GPC6: variants seen among roughly 807,000 people sequenced by gnomAD.
The protein encoded by GPC6 is glypican-6.
GPC6 carries 14 observed loss-of-function variants against 55.2 expected under a neutral mutation model. The ratio of observed to expected loss-of-function variants is 0.25; its 90% confidence interval spans 0.17 to 0.40. The LOEUF (loss-of-function observed/expected upper bound fraction) is 0.40. Ranked by LOEUF, GPC6 falls within the 10% of genes least tolerant of loss-of-function variation. The pLI is 1.00. For missense variants in GPC6, 641 were observed against 708.5 expected, an observed-to-expected ratio of 0.90 and a Z score of 1.08; for synonymous variants, 278 against 259.6, an observed-to-expected ratio of 1.07 and a Z score of -0.68.
intron 1 of GPC6, among the ~76,000 whole-genome samples, chr13:93,315,776 T>G (rs777085735): frequency 2.3e-4 from 35 of 151,738 alleles, no homozygotes; most frequent in Non-Finnish European, 4.6e-4. Context: ...TTTAACCATG[T>G]ATGTAGTCAG....
chr13:93,329,245 C>A (rs747876456), intron 1 of GPC6, among the ~76,000 whole-genome samples: 2 of 152,122 alleles, frequency 1.3e-5, no homozygotes, highest in Non-Finnish European at 2.9e-5. Flanking sequence ...ATAAAATTTT[C>A]TTTCTTTCCC....
In GPC6 at chr13:93,267,734, C is replaced by T. The variant is rs144619882; in HGVS notation, c.160+40118C>T. Among the ~76,000 whole-genome samples the T allele has an allele frequency of 1.4e-3, 219 of 152,280 alleles. 2 individuals are homozygous for T. In the East Asian group the frequency reaches 0.019, roughly 13 times the overall value. ...CCAAATATTGTTGAAGTATTATCTA[C>T]TGCTTTCCATCCAAAGCCAATATGA... is the stretch of plus-strand genomic sequence containing the variant. On this transcript the variant is annotated intron_variant, in intron 1 of 8. Transcript: ENST00000377047.
At chr13:94,338,115 TA>T (rs1201182182) in intron 6 of GPC6, among the ~76,000 whole-genome samples, 2 of 152,246 alleles carry the variant, frequency 1.3e-5, no homozygotes. Context: ...ACAATCGTTT[TA>T]AAAAATAGAA....
intron 1 of GPC6, among the ~76,000 whole-genome samples, chr13:93,271,498 C>T (rs1224194572): frequency 6.6e-6 from 1 of 151,666 alleles, no homozygotes; most frequent in Non-Finnish European, 1.5e-5. Context: ...AAAATGCAGG[C>T]GTGACATGTA....
chr13:93,690,930 A>T (rs1266928377), intron 2 of GPC6, among the ~76,000 whole-genome samples: 2 of 152,044 alleles, frequency 1.3e-5, no homozygotes, highest in Non-Finnish European at 2.9e-5. Flanking sequence ...TTTGTCATTT[A>T]GTTGTTCCCT....
intron 7 of GPC6, 69 bp from the exon 8 acceptor site, chr13:94,398,397 A>G (rs1880985944): frequency 8.6e-7 from 1 of 1,169,158 alleles, no homozygotes; most frequent in Non-Finnish European, 1.3e-6. Context: ...CTGGTTTTGC[A>G]TGGCAGCATC....
chr13:93,921,831 T>A (rs1877591185), intron 3 of GPC6, among the ~76,000 whole-genome samples: 1 of 151,946 alleles, frequency 6.6e-6, no homozygotes, highest in East Asian at 2.0e-4. Context: ...GGAATGCCTG[T>A]ACCCATTTAG....
In GPC6 at chr13:93,400,187, C is replaced by A. The variant is rs376149011; in HGVS notation, c.161-145076C>A. On this transcript the variant is annotated intron_variant, in intron 1 of 8. Coordinates refer to ENST00000377047, the MANE Select transcript of GPC6 (RefSeq NM_005708.5). Reference sequence around the variant, plus strand: ...GGTTTTCTAAGCTCACCTCTTCCGACCCGAATTATGAATTCTTTCTTCCCT... The same window carrying A: ...GGTTTTCTAAGCTCACCTCTTCCGAACCGAATTATGAATTCTTTCTTCCCT... Among the ~76,000 whole-genome samples, 26 of 152,246 alleles carry A rather than the reference C, an allele frequency of 1.7e-4. No individual in the cohort carries two copies. The South Asian group carries it at 2.7e-3, about 16-fold the overall frequency.
intron 1 of GPC6, among the ~76,000 whole-genome samples, chr13:93,535,033 T>C (rs1882002977): frequency 6.6e-6 from 1 of 152,184 alleles, no homozygotes; most frequent in Non-Finnish European, 1.5e-5. Context: ...AATAAAGATT[T>C]GATGAATAAG....
intron 4 of GPC6, among the ~76,000 whole-genome samples, chr13:94,131,224 T>C (rs1001231754): frequency 1.3e-5 from 2 of 152,154 alleles, no homozygotes; most frequent in Non-Finnish European, 2.9e-5. Context: ...AAGTATATAT[T>C]TTCTGGAATG....
intron 4 of GPC6, among the ~76,000 whole-genome samples, chr13:94,237,230 G>A (rs1375318802): frequency 6.6e-6 from 1 of 152,052 alleles, no homozygotes; most frequent in Non-Finnish European, 1.5e-5. Context: ...CTAGGAAAAA[G>A]AACCCAATGA....
chr13:93,241,003 G>A (rs1039392521), intron 1 of GPC6, among the ~76,000 whole-genome samples: 6 of 152,146 alleles, frequency 3.9e-5, no homozygotes, highest in African/African-American at 1.4e-4. Context: ...TTGCTGGGAA[G>A]TCTGCCATTA....
intron 4 of GPC6, among the ~76,000 whole-genome samples, chr13:94,156,925 G>A (rs1350161514): frequency 6.6e-6 from 1 of 152,110 alleles, no homozygotes; most frequent in Non-Finnish European, 1.5e-5. Flanking sequence ...AGATTGGCGA[G>A]GTTTCTTCCA....
At chr13:93,992,207 G>T (rs2140416297) in intron 3 of GPC6, among the ~76,000 whole-genome samples, 1 of 151,468 alleles carries the variant, frequency 6.6e-6, no homozygotes, top group Middle Eastern at 3.4e-3. Flanking sequence ...GTGGGTGTGG[G>T]TGTGTGTGTT....
chr13:93,581,636 G>A (rs1053577643), intron 2 of GPC6, among the ~76,000 whole-genome samples: 1 of 152,142 alleles, frequency 6.6e-6, no homozygotes, highest in Non-Finnish European at 1.5e-5. Context: ...GAGCTAGGGA[G>A]GAGATCGCAG....
chr13:94,306,117 C>A lies in GPC6; in HGVS notation c.1146C>A (p.Asp382Glu). The A allele has an allele frequency of 6.2e-7, 1 of 1,614,160 alleles. No individual in the cohort carries two copies. Among genetic ancestry groups the A allele is most frequent in the Non-Finnish European group, 8.5e-7 (1 of 1,180,024 alleles). The change falls in exon 6 of 9, where the codon GAC (aspartate) becomes GAA (glutamate). Residue 382 changes from aspartate (D) to glutamate (E), a missense_variant. By Grantham distance (45) the Asp-to-Glu change is conservative. Coordinates refer to ENST00000377047, the MANE Select transcript of GPC6 (RefSeq NM_005708.5). ...RPTTAAGTSL[D>E]RLVTDIKEKL... The stretch of plus-strand genomic sequence containing the variant: ...CAACTGCTGCAGGCACAAGCTTGGA[C>A]CGGCTGGTGAGTATTCACAGATTGA...
intron 3 of GPC6, among the ~76,000 whole-genome samples, chr13:93,870,494 T>C (rs1889096622): frequency 1.3e-5 from 2 of 151,884 alleles, no homozygotes; most frequent in African/African-American, 4.8e-5. Context: ...TTTCTAGTTA[T>C]ATATTGCTGC....
intron 2 of GPC6, among the ~76,000 whole-genome samples, chr13:93,726,151 CAT>C (rs1346093618): frequency 4.7e-4 from 64 of 135,692 alleles, no homozygotes; most frequent in Admixed American, 2.6e-3. Flanking sequence ...CACACACACA[CAT>C]ATCAAGCAAA....
chr13:94,252,552 G>A (rs4142200), intron 4 of GPC6, among the ~76,000 whole-genome samples: 31,527 of 151,926 alleles, frequency 0.21, 3,415 homozygotes, highest in East Asian at 0.35. Context: ...AATTGATGGC[G>A]AAATAAGACA....
Sources: gnomAD v4.1 joint callset for allele counts (sites outside exome capture counted in the v4.1 genomes callset) on GRCh38, gnomAD v4.1.1 for gene constraint, MANE v1.5 for transcripts, NCBI Gene and HGNC (gene_info 2026-07-23, HGNC 2026-07-21) for gene names.